Variants in WWP2 observed in about 807,000 individuals in gnomAD.
The protein encoded by WWP2 is WW domain containing E3 ubiquitin protein ligase 2, also known as NEDD4-like E3 ubiquitin-protein ligase WWP2.
Under a neutral mutation model 121.0 loss-of-function variants are expected in WWP2, and 57 were observed. The observed-to-expected ratio is 0.47, with a 90% CI of 0.38 to 0.59. The LOEUF (loss-of-function observed/expected upper bound fraction) is 0.59, where lower values mean the gene tolerates loss of function less well. WWP2 is among the 20% of genes least tolerant of loss of function. WWP2 has a pLI of 0.00. For synonymous variants in WWP2, 449 were observed against 441.3 expected (o/e 1.02, Z -0.22); for missense variants, 962 against 1,158.9 (o/e 0.83, Z 2.47).
rs184513875 is a variant in WWP2, at chr16:69,878,689, A to G, written c.703+6758A>G. On this transcript the variant is annotated intron_variant, in intron 7 of 23. Coordinates refer to ENST00000359154, the MANE Select transcript of WWP2 (RefSeq NM_001270454.2). ...TTTTTATACATGGTTTCATGTATCT[A>G]TGTGCTCTTCTTTGCTTTTTAAAAG... Among the ~76,000 whole-genome samples, 402 of 136,988 alleles carry G rather than the reference A, an allele frequency of 2.9e-3. 3 individuals carry two copies. The highest frequency in any genetic ancestry group is 9.6e-3 in the African/African-American group (388 of 40,350). The allele number at this position is 136,988 out of a possible 152,430, so 89.9% of individuals were successfully genotyped here.
At chr16:69,768,506 AGCCTGAG>A (rs1456767822) in intron 1 of WWP2, among the ~76,000 whole-genome samples, 1 of 152,170 alleles carries the variant, frequency 6.6e-6, no homozygotes, top group Non-Finnish European at 1.5e-5. Flanking sequence ...GCTACTTGGG[AGCCTGAG>A]GCAGGAGAAT....
At chr16:69,816,200 G>T (rs2056486606) in intron 4 of WWP2, among the ~76,000 whole-genome samples, 1 of 151,710 alleles carries the variant, frequency 6.6e-6, no homozygotes, top group African/African-American at 2.4e-5. Flanking sequence ...TTTTTCTCTT[G>T]CTCCCTAAAT....
At chr16:69,805,515 TTTC>T (rs1297587394) in intron 4 of WWP2, among the ~76,000 whole-genome samples, 8 of 152,126 alleles carry the variant, frequency 5.3e-5, no homozygotes, top group South Asian at 2.1e-4. Context: ...ACCTTTTTGC[TTTC>T]TTCTTCTTTT....
intron 4 of WWP2, among the ~76,000 whole-genome samples, chr16:69,826,954 A>AAG (rs1491249497): frequency 1.2e-4 from 13 of 110,396 alleles, no homozygotes; most frequent in Non-Finnish European, 2.1e-4. Flanking sequence ...AAAAAAAAAA[A>AAG]GGGGGGGGGG....
At chr16:69,896,997 T>C (rs1188670194) in intron 8 of WWP2, among the ~76,000 whole-genome samples, 1 of 152,180 alleles carries the variant, frequency 6.6e-6, no homozygotes, top group African/African-American at 2.4e-5. Context: ...TTGTAAAATA[T>C]TGTAAGCATG....
In WWP2 at chr16:69,939,047, C is replaced by T. The variant is rs780825825; in HGVS notation, c.2364C>T (p.Asn788=). 1.2e-5 allele frequency: 20 copies of T among 1,605,588 alleles called. No homozygotes were observed. The highest frequency in any genetic ancestry group is 1.0e-4 in the Admixed American group (6 of 59,032). Residue 788 remains asparagine, a synonymous_variant, in exon 22 of 24, where the codon AAC becomes AAT. Coordinates refer to ENST00000359154, the MANE Select transcript of WWP2 (RefSeq NM_001270454.2). The part of the protein sequence containing the change: ...WFWQVVKEMD[N]EKRIRLLQFV... ...TCCAGGTGGTGAAGGAGATGGACAA[C>T]GAGAAGAGGATCCGGCTGCTGCAGT...
chr16:69,853,503 C>A (rs530592558), intron 6 of WWP2, among the ~76,000 whole-genome samples: 111 of 152,294 alleles, frequency 7.3e-4, no homozygotes, highest in African/African-American at 2.6e-3. Context: ...ATTGGTGCAA[C>A]CTAAATCACA....
chr16:69,898,837 G>T (rs1392594380), intron 8 of WWP2, among the ~76,000 whole-genome samples: 2 of 152,108 alleles, frequency 1.3e-5, no homozygotes, highest in South Asian at 2.1e-4. Context: ...TGGAGTAGCT[G>T]GGATTACAGG....
intron 4 of WWP2, among the ~76,000 whole-genome samples, chr16:69,809,825 G>A (rs1381148152): frequency 2.0e-5 from 3 of 151,246 alleles, no homozygotes; most frequent in South Asian, 2.1e-4. Flanking sequence ...AGGAAGGAAG[G>A]GGAGAGAGAG....
intron 2 of WWP2, among the ~76,000 whole-genome samples, chr16:69,790,198 G>A (rs555406943): frequency 6.6e-6 from 1 of 151,992 alleles, no homozygotes; most frequent in African/African-American, 2.4e-5. Flanking sequence ...TGTGAGCCGA[G>A]ACCACACCAT....
intron 9 of WWP2, among the ~76,000 whole-genome samples, chr16:69,911,251 A>G (rs2058375064): frequency 6.6e-6 from 1 of 152,180 alleles, no homozygotes; most frequent in Non-Finnish European, 1.5e-5. Flanking sequence ...TCCGGGAGCA[A>G]TAAGTATTGG....
intron 8 of WWP2, among the ~76,000 whole-genome samples, chr16:69,898,392 A>G (rs912913342): frequency 1.3e-5 from 2 of 152,162 alleles, no homozygotes; most frequent in Admixed American, 6.5e-5. Context: ...AAGATCTTCA[A>G]CTTCAGTAGG....
chr16:69,901,017 G>C (rs1351199433), intron 8 of WWP2, among the ~76,000 whole-genome samples: 1 of 152,108 alleles, frequency 6.6e-6, no homozygotes, highest in African/African-American at 2.4e-5. Context: ...GGGTCCTTCG[G>C]GGAAGGACTG....
intron 4 of WWP2, among the ~76,000 whole-genome samples, chr16:69,802,604 GTTT>G (rs56105450): frequency 2.3e-5 from 3 of 131,990 alleles, no homozygotes; most frequent in Admixed American, 7.8e-5. Flanking sequence ...CTTTCCTTTT[GTTT>G]TTTTTTTTTT....
At chr16:69,864,667 A>G (rs1452567105) in intron 6 of WWP2, among the ~76,000 whole-genome samples, 1 of 150,818 alleles carries the variant, frequency 6.6e-6, no homozygotes, top group Non-Finnish European at 1.5e-5. Flanking sequence ...CTCCTGCCTC[A>G]GCCTCCTGAG....
At chr16:69,906,618 C>T (rs1175419524) in intron 8 of WWP2, among the ~76,000 whole-genome samples, 2 of 152,136 alleles carry the variant, frequency 1.3e-5, no homozygotes, top group Non-Finnish European at 2.9e-5. Flanking sequence ...AGGGTAGGCA[C>T]GTTGGTTTGT....
chr16:69,806,440 T>C (rs1567676477), intron 4 of WWP2, among the ~76,000 whole-genome samples: 2 of 152,332 alleles, frequency 1.3e-5, no homozygotes, highest in East Asian at 3.9e-4. Flanking sequence ...AGTAAATTGA[T>C]GTGCTTTCCA....
intron 4 of WWP2, among the ~76,000 whole-genome samples, chr16:69,801,199 C>A (rs1367111799): frequency 1.5e-4 from 20 of 137,080 alleles, no homozygotes; most frequent in Non-Finnish European, 2.9e-4. Flanking sequence ...AAAAAAAAAG[C>A]AATTTTACTT....
chr16:69,787,199 A>C, intron 2 of WWP2, 119 bp downstream of exon 2: 1 of 637,386 alleles, frequency 1.6e-6, no homozygotes, highest in Admixed American at 3.7e-5. Flanking sequence ...TTAATTATTT[A>C]TTCTCATGGG....
Sources: allele counts gnomAD v4.1 joint callset (sites outside exome capture counted in the v4.1 genomes callset), GRCh38; gene constraint gnomAD v4.1.1; transcripts MANE v1.5; gene names NCBI Gene and HGNC (gene_info 2026-07-23, HGNC 2026-07-21).